Variants in MROH1 observed in about 807,000 individuals in gnomAD.
MROH1 encodes the protein maestro heat-like repeat-containing protein family member 1.
MROH1 carries 117 observed loss-of-function variants against 116.5 expected under a neutral mutation model. That is an observed-to-expected ratio of 1.00 (90% CI 0.86 to 1.17). The LOEUF is 1.17. Among genes scored for constraint, MROH1 ranks in the 50% most tolerant of loss-of-function variants. The pLI, the probability that MROH1 is intolerant of heterozygous loss-of-function variation, is 0.00. For synonymous variants in MROH1, 921 were observed against 583.9 expected (o/e 1.58, Z -8.32); for missense variants, 1,873 against 1,338.5 (o/e 1.40, Z -6.23).
chr8:144,248,282 T>G (rs1842243379), intron 31 of MROH1, among the ~76,000 whole-genome samples: 1 of 152,142 alleles, frequency 6.6e-6, no homozygotes, highest in African/African-American at 2.4e-5. Flanking sequence ...GCTTGAGTAT[T>G]ATTAAAGTAT....
At chr8:144,218,457 G>A (rs1564501724) in intron 12 of MROH1, among the ~76,000 whole-genome samples, 3 of 151,888 alleles carry the variant, frequency 2.0e-5, no homozygotes, top group African/African-American at 4.8e-5. Flanking sequence ...GTGGCGTTGC[G>A]TGGGTGTTGG....
Position 144,180,742 on chromosome 8 carries a change from C to T in MROH1, c.562+219C>T, listed in dbSNP as rs1299880136. On this transcript the variant is annotated intron_variant, in intron 7 of 43. Transcript: ENST00000326134. The surrounding 1 kb of genome is among the most constrained non-coding windows in gnomAD (Gnocchi z 7.4). ...TGTTTCTCTCTACTCCTGGAGAGCC[C>T]CCCACCTTACATTGTGGGTCCACTG... is the stretch of plus-strand genomic sequence containing the variant. Among the ~76,000 whole-genome samples, 1 of 152,146 alleles carries T rather than the reference C, an allele frequency of 6.6e-6. No homozygotes were observed. The highest frequency in any genetic ancestry group is 1.5e-5 in the Non-Finnish European group (1 of 68,004).
At chr8:144,208,286 A>G (rs1020315351) in intron 12 of MROH1, among the ~76,000 whole-genome samples, 3 of 152,152 alleles carry the variant, frequency 2.0e-5, no homozygotes, top group African/African-American at 4.8e-5. Flanking sequence ...TTCCAGTCTC[A>G]CTTGTTGAAA....
rs1840479557 is a variant in MROH1 at position 144,238,802 on chromosome 8, T to A, written c.1385T>A (p.Val462Glu). ...PGSKDPKADS[V>E]RAISVRTLYL... ...AGCAAGGACCCCAAGGCCGACAGCG[T>A]GCGGGCCATCAGCGTGCGCACCCTC... The change falls in exon 15 of 44, where the codon GTG becomes GAG. Residue 462 changes from valine to glutamate, a missense_variant. Coordinates refer to ENST00000326134, the MANE Select transcript of MROH1 (RefSeq NM_032450.3). 1 of 774,822 alleles carries A rather than the reference T, an allele frequency of 1.3e-6. No individual in the cohort carries two copies. The highest frequency in any genetic ancestry group is 2.4e-6 in the Non-Finnish European group (1 of 417,722). 48.0% of individuals were successfully genotyped at this position (774,822 alleles called of 1,614,324 possible).
chr8:144,152,312 A>G (rs1450526344), intron 1 of MROH1, among the ~76,000 whole-genome samples: 5 of 152,152 alleles, frequency 3.3e-5, no homozygotes, highest in Non-Finnish European at 5.9e-5. Context: ...GGGGACTACT[A>G]TGTTAATATC....
intron 24 of MROH1, 35 bp from the exon 25 acceptor site, chr8:144,243,459 G>C: frequency 1.3e-6 from 1 of 776,990 alleles, no homozygotes; most frequent in Non-Finnish European, 2.4e-6. Flanking sequence ...TGGAGGGCGG[G>C]CGTGGGCGTC....
intron 14 of MROH1, among the ~76,000 whole-genome samples, chr8:144,230,928 T>C (rs1838754900): frequency 7.0e-6 from 1 of 142,476 alleles, no homozygotes; most frequent in South Asian, 2.4e-4. Context: ...CAAAGGTCTC[T>C]GGTTTTCCTA....
intron 14 of MROH1, among the ~76,000 whole-genome samples, chr8:144,229,804 C>T (rs1057433955): frequency 6.6e-6 from 1 of 152,094 alleles, no homozygotes; most frequent in Non-Finnish European, 1.5e-5. Context: ...GAAGCTGAGG[C>T]CAGCGGATCA....
intron 38 of MROH1, 25 bp downstream of exon 38, chr8:144,260,082 G>C: frequency 1.4e-6 from 1 of 733,460 alleles, no homozygotes; most frequent in Non-Finnish European, 2.5e-6. Flanking sequence ...AGCCCCTCTG[G>C]GTCCCAGGCA....
Position 144,244,485 on chromosome 8 carries a change from G to A in MROH1, c.2712G>A (p.Leu904=), listed in dbSNP as rs1841546462. ...CACTGCACGCCCTTGAGGATCTGCTGACGAGCCTCCTGCAGCGGAACATGA... is the reference window on the plus strand; with the variant it reads ...CACTGCACGCCCTTGAGGATCTGCTAACGAGCCTCCTGCAGCGGAACATGA... ...LETLHALEDL[L]TSLLQRNMTP... Residue 904 remains leucine, a synonymous_variant, in exon 28 of 44, where the codon CTG becomes CTA. Coordinates refer to ENST00000326134, the MANE Select transcript of MROH1 (RefSeq NM_032450.3). The A allele has an allele frequency of 2.6e-6, 2 of 774,184 alleles. No homozygotes were observed. The highest frequency in any genetic ancestry group is 2.4e-5 in the East Asian group (1 of 41,020). The allele number at this position is 774,184 out of a possible 1,614,324, so 48.0% of individuals were successfully genotyped here.
chr8:144,207,058 T>A lies in MROH1; in HGVS notation c.1141+6517T>A, dbSNP rs533761777. Among the ~76,000 whole-genome samples the A allele has an allele frequency of 1.5e-3, 215 of 146,484 alleles. 1 individual carries two copies. Among genetic ancestry groups the A allele is most frequent in the South Asian group, 0.013 (60 of 4,618 alleles). ...AATTAAAAGAGAGAGAAAAGAAATT[T>A]AAAAAAAAAAATGGAAGTTCCCTGG... On this transcript the variant is annotated intron_variant, in intron 12 of 43. Transcript: ENST00000326134.
intron 1 of MROH1, among the ~76,000 whole-genome samples, chr8:144,151,007 G>A (rs1261494048): frequency 1.3e-5 from 2 of 152,112 alleles, no homozygotes; most frequent in Non-Finnish European, 2.9e-5. Flanking sequence ...CAGCACTTTG[G>A]GAGGCCCAGG....
At chr8:144,217,990 G>A (rs1448339120) in intron 12 of MROH1, among the ~76,000 whole-genome samples, 1 of 151,258 alleles carries the variant, frequency 6.6e-6, no homozygotes, top group Non-Finnish European at 1.5e-5. Flanking sequence ...GGATCCCTCT[G>A]GGTGGCTGCG....
chr8:144,201,675 CAG>C (rs909971807), intron 12 of MROH1, among the ~76,000 whole-genome samples: 1 of 152,160 alleles, frequency 6.6e-6, no homozygotes, highest in African/African-American at 2.4e-5. Context: ...AGCAGCCACC[CAG>C]AGAGTCACAT....
chr8:144,223,689 T>C (rs1837269598), intron 14 of MROH1, among the ~76,000 whole-genome samples: 1 of 152,162 alleles, frequency 6.6e-6, no homozygotes, highest in African/African-American at 2.4e-5. Context: ...GAGAGCAAGG[T>C]AGAACGTGGT....
At chr8:144,215,637 C>T (rs1440665942) in intron 12 of MROH1, among the ~76,000 whole-genome samples, 5 of 151,774 alleles carry the variant, frequency 3.3e-5, no homozygotes, top group African/African-American at 7.3e-5. Flanking sequence ...TTTGGGAGGC[C>T]GAGACCGGCA....
chr8:144,196,867 C>CG (rs11394083), intron 10 of MROH1, among the ~76,000 whole-genome samples: 150,078 of 151,874 alleles, frequency 0.99, 74,171 homozygotes, highest in East Asian at 1. Flanking sequence ...GAGACCGAGG[C>CG]GGTGGACCAC....
chr8:144,196,151 G>A (rs1256934863), intron 10 of MROH1, among the ~76,000 whole-genome samples: 1 of 151,520 alleles, frequency 6.6e-6, no homozygotes, highest in Non-Finnish European at 1.5e-5. Context: ...TTAGCTGGGC[G>A]TGGTGGCGGG....
chr8:144,183,314 G>A (rs745658954), intron 7 of MROH1, among the ~76,000 whole-genome samples: 1 of 150,928 alleles, frequency 6.6e-6, no homozygotes, highest in African/African-American at 2.4e-5. Flanking sequence ...CTGGGAAGTC[G>A]AGGCTGCAGT....
Sources: allele counts gnomAD v4.1 joint callset (sites outside exome capture counted in the v4.1 genomes callset), GRCh38; gene constraint gnomAD v4.1.1; non-coding constraint Gnocchi (gnomAD v3.1); transcripts MANE v1.5; gene names NCBI Gene and HGNC (gene_info 2026-07-23, HGNC 2026-07-21).